Variants in TLE4 observed in about 807,000 individuals in gnomAD.
TLE4 encodes transducin-like enhancer protein 4.
Under a neutral mutation model 92.8 loss-of-function variants are expected in TLE4, and 8 were observed. That is an observed-to-expected ratio of 0.09 (90% CI 0.05 to 0.16). TLE4 has a LOEUF of 0.16. TLE4 is among the 10% of genes least tolerant of loss of function. The pLI is 1.00. For missense variants in TLE4, 675 were observed against 997.6 expected (o/e 0.68, Z 4.36); for synonymous variants, 371 against 374.1 (o/e 0.99, Z 0.10).
In TLE4 at chr9:79,604,006, A is replaced by C. The variant is rs140174376; in HGVS notation, c.253-8650A>C. On this transcript the variant is annotated intron_variant, in intron 4 of 19. Transcript: ENST00000376552. ...TCCAGGTGATTAGTATGTGCATTAC[A>C]GTTTGAGAAGCACTAGTCTAGTCCA... 4.3e-3 allele frequency among the ~76,000 whole-genome samples: 661 copies of C among 152,332 alleles called. 7 individuals carry two copies. Among genetic ancestry groups the C allele is most frequent in the African/African-American group, 0.015 (630 of 41,576 alleles).
intron 8 of TLE4, among the ~76,000 whole-genome samples, chr9:79,656,761 T>C (rs2059840449): frequency 6.6e-6 from 1 of 152,230 alleles, no homozygotes; most frequent in Non-Finnish European, 1.5e-5. Context: ...TACAGATTGT[T>C]AAACAGGGCA....
chr9:79,706,714 G>A lies in TLE4; in HGVS notation c.784-33G>A, dbSNP rs372337977. On this transcript the variant is annotated intron_variant, in intron 10 of 19. Transcript: ENST00000376552. ...AACCCCAGCATTATAAATGTGCTGT[G>A]CTTGCATTACTGTCCACGATGTTCC... 5 of 1,599,940 alleles carry A rather than the reference G, an allele frequency of 3.1e-6. No homozygotes were observed. The African/African-American group carries it at 6.7e-5, about 21-fold the overall frequency.
intron 5 of TLE4, among the ~76,000 whole-genome samples, chr9:79,613,939 A>C (rs1406572192): frequency 2.6e-5 from 4 of 152,132 alleles, no homozygotes; most frequent in African/African-American, 9.7e-5. Flanking sequence ...CTTGATAAAC[A>C]AAGGGTATGT....
chr9:79,656,357 T>G (rs2134311322), intron 8 of TLE4, among the ~76,000 whole-genome samples: 1 of 152,330 alleles, frequency 6.6e-6, no homozygotes, highest in South Asian at 2.1e-4. Context: ...TGAAATAATT[T>G]ATTTATGCAA....
intron 8 of TLE4, among the ~76,000 whole-genome samples, chr9:79,702,287 A>T (rs1463783008): frequency 6.6e-6 from 1 of 152,128 alleles, no homozygotes; most frequent in African/African-American, 2.4e-5. Flanking sequence ...TTAAAAGAGG[A>T]GTTAAAACAG....
At chr9:79,586,647 A>T (rs888450230) in intron 4 of TLE4, among the ~76,000 whole-genome samples, 2 of 152,200 alleles carry the variant, frequency 1.3e-5, no homozygotes, top group Non-Finnish European at 2.9e-5. Context: ...TAGGGAAGAT[A>T]AATTCATTGT....
At chr9:79,637,428 C>CA (rs2056151840) in intron 6 of TLE4, among the ~76,000 whole-genome samples, 1 of 152,146 alleles carries the variant, frequency 6.6e-6, no homozygotes, top group Non-Finnish European at 1.5e-5. Context: ...CTTCAGAACT[C>CA]ACACATTTAA....
intron 4 of TLE4, among the ~76,000 whole-genome samples, chr9:79,592,236 C>CTTT: frequency 7.4e-6 from 1 of 134,470 alleles, no homozygotes; most frequent in Admixed American, 7.7e-5. Context: ...TCTTCTTCTT[C>CTTT]CTTCTGCTTC....
intron 8 of TLE4, among the ~76,000 whole-genome samples, chr9:79,677,971 T>C (rs2063599453): frequency 6.6e-6 from 1 of 152,166 alleles, no homozygotes. Flanking sequence ...TGCTTCTTTA[T>C]GTATAAAGAT....
intron 14 of TLE4, among the ~76,000 whole-genome samples, chr9:79,710,765 A>T (rs1249260275): frequency 6.6e-6 from 1 of 151,882 alleles, no homozygotes; most frequent in Non-Finnish European, 1.5e-5. Context: ...TTCCTCTTCT[A>T]CTACCTTTTT....
At chr9:79,706,038 C>G in intron 10 of TLE4, 96 bp downstream of exon 10, 1 of 1,214,382 alleles carries the variant, frequency 8.2e-7, no homozygotes, top group Non-Finnish European at 1.2e-6. Context: ...TGAGGTTTGT[C>G]GTTTTGTTAT....
chr9:79,601,513 A>G (rs1198078518), intron 4 of TLE4: 1 of 452,054 alleles, frequency 2.2e-6, no homozygotes, highest in Non-Finnish European at 4.4e-6. Flanking sequence ...CATTTTGGTA[A>G]CTCTCACAAT....
chr9:79,638,908 T>G (rs1250659352), intron 6 of TLE4, among the ~76,000 whole-genome samples: 1 of 152,142 alleles, frequency 6.6e-6, no homozygotes, highest in Non-Finnish European at 1.5e-5. Context: ...GGTTCTCCCT[T>G]GCAGGCAGAG....
At chr9:79,694,517 A>C (rs2067787719) in intron 8 of TLE4, among the ~76,000 whole-genome samples, 1 of 152,096 alleles carries the variant, frequency 6.6e-6, no homozygotes, top group Admixed American at 6.5e-5. Context: ...TGTAGAATGA[A>C]CTGAAATTGT....
At chr9:79,601,293 T>C (rs1458713154) in intron 4 of TLE4, 1 of 438,394 alleles carries the variant, frequency 2.3e-6, no homozygotes, top group East Asian at 7.1e-5. Flanking sequence ...GGAAACTAAA[T>C]AAACCATATC....
intron 8 of TLE4, among the ~76,000 whole-genome samples, chr9:79,654,487 A>G (rs2134257228): frequency 6.7e-6 from 1 of 150,320 alleles, no homozygotes; most frequent in Admixed American, 6.6e-5. Flanking sequence ...TGTTTAAGTG[A>G]ATGGTGCATT....
At chr9:79,577,872 A>G (rs978085861) in intron 4 of TLE4, among the ~76,000 whole-genome samples, 5 of 152,198 alleles carry the variant, frequency 3.3e-5, no homozygotes, top group African/African-American at 1.2e-4. Context: ...TCGAGGGGGT[A>G]TGTGAAATCC....
chr9:79,617,043 A>G (rs576244560), intron 5 of TLE4, among the ~76,000 whole-genome samples: 5 of 152,296 alleles, frequency 3.3e-5, no homozygotes, highest in South Asian at 4.2e-4. Context: ...TTTTACTTCC[A>G]GGGAAATAGA....
intron 4 of TLE4, among the ~76,000 whole-genome samples, chr9:79,587,545 T>G (rs80335634): frequency 0.024 from 3,627 of 152,334 alleles, 147 homozygotes; most frequent in African/African-American, 0.082. Flanking sequence ...TTTAGTAAGT[T>G]AAGTTTTAAG....
Sources: allele counts gnomAD v4.1 joint callset (sites outside exome capture counted in the v4.1 genomes callset), GRCh38; gene constraint gnomAD v4.1.1; transcripts MANE v1.5; gene names NCBI Gene and HGNC (gene_info 2026-07-23, HGNC 2026-07-21).